The following NLGN1 variants were observed in gnomAD, a reference collection of about 807,000 sequenced individuals.
NLGN1 encodes the protein neuroligin 1.
A neutral mutation model predicts 65.5 loss-of-function variants in NLGN1; 12 were observed. The observed-to-expected ratio is 0.18, with a 90% confidence interval of 0.12 to 0.30. The LOEUF (loss-of-function observed/expected upper bound fraction) is 0.30. NLGN1 is among the 10% of genes least tolerant of loss of function. The pLI is 1.00. For missense variants in NLGN1, 750 were observed against 1,007.1 expected, an observed-to-expected ratio of 0.74 and a Z score of 3.46; for synonymous variants, 350 against 359.5, an observed-to-expected ratio of 0.97 and a Z score of 0.30.
intron 2 of NLGN1, among the ~76,000 whole-genome samples, chr3:173,446,798 A>G (rs926075320): frequency 6.6e-6 from 1 of 152,100 alleles, no homozygotes; most frequent in African/African-American, 2.4e-5. Flanking sequence ...TTTGATTTGC[A>G]TTTCTCTGAT....
intron 2 of NLGN1, among the ~76,000 whole-genome samples, chr3:173,537,879 T>C (rs1737719227): frequency 6.6e-6 from 1 of 152,144 alleles, no homozygotes; most frequent in Non-Finnish European, 1.5e-5. Flanking sequence ...CAGTTTTCCT[T>C]TGGTAGCCAG....
intron 4 of NLGN1, among the ~76,000 whole-genome samples, chr3:174,067,296 G>T (rs1738833473): frequency 6.6e-6 from 1 of 152,058 alleles, no homozygotes; most frequent in Admixed American, 6.6e-5. Context: ...AGTAAAACTA[G>T]AATATATTTG....
intron 4 of NLGN1, among the ~76,000 whole-genome samples, chr3:174,103,884 A>G (rs1013429299): frequency 5.3e-5 from 8 of 152,104 alleles, no homozygotes; most frequent in Admixed American, 6.5e-5. Context: ...TTTCTGTGTT[A>G]TAGCTAACAC....
chr3:173,702,199 A>C (rs887345746), intron 3 of NLGN1, among the ~76,000 whole-genome samples: 15 of 149,354 alleles, frequency 1.0e-4, no homozygotes, highest in Non-Finnish European at 3.0e-5. Flanking sequence ...AGATCCCGCC[A>C]CTGCACTCCA....
At chr3:173,635,949 G>T (rs16828799) in intron 3 of NLGN1, among the ~76,000 whole-genome samples, 17,838 of 151,964 alleles carry the variant, frequency 0.12, 1,281 homozygotes, top group South Asian at 0.22. Flanking sequence ...AGAACACTCG[G>T]CAGGCTCCTT....
chr3:173,747,237 A>G (rs957202134), intron 3 of NLGN1, among the ~76,000 whole-genome samples: 2 of 146,220 alleles, frequency 1.4e-5, no homozygotes, highest in African/African-American at 5.0e-5. Context: ...AAATATATAT[A>G]TCTTTAAGTA....
intron 4 of NLGN1, among the ~76,000 whole-genome samples, chr3:173,914,622 C>G (rs142157997): frequency 6.6e-6 from 1 of 151,948 alleles, no homozygotes; most frequent in Non-Finnish European, 1.5e-5. Flanking sequence ...GTAGAGAATT[C>G]GTAGAGTATG....
intron 2 of NLGN1, among the ~76,000 whole-genome samples, chr3:173,478,080 T>A (rs79535579): frequency 0.013 from 2,025 of 152,270 alleles, 49 homozygotes; most frequent in African/African-American, 0.047. Context: ...CATAAATCAT[T>A]CTGTTACAAA....
At chr3:173,977,333 G>T (rs910666043) in intron 4 of NLGN1, among the ~76,000 whole-genome samples, 3 of 151,882 alleles carry the variant, frequency 2.0e-5, no homozygotes, top group Non-Finnish European at 4.4e-5. Context: ...GAGTGGGGAT[G>T]GGGGAAGGGC....
chr3:173,399,808 T>C (rs1398666349), intron 1 of NLGN1: 3 of 152,242 alleles, frequency 2.0e-5, no homozygotes, highest in Non-Finnish European at 4.4e-5. Flanking sequence ...AATACAGTTA[T>C]AAATCTGAGA....
chr3:174,090,695 A>G (rs2152564091), intron 4 of NLGN1, among the ~76,000 whole-genome samples: 1 of 152,134 alleles, frequency 6.6e-6, no homozygotes, highest in Non-Finnish European at 1.5e-5. Flanking sequence ...GAGAAATGGC[A>G]ATATTTGTAC....
intron 2 of NLGN1, among the ~76,000 whole-genome samples, chr3:173,539,705 T>TATAAC (rs200955089): frequency 0.014 from 629 of 45,948 alleles, 5 homozygotes; most frequent in East Asian, 0.057. Context: ...TATGCACATA[T>TATAAC]ATACATATAT....
At chr3:173,539,064 G>A (rs1737967415) in intron 2 of NLGN1, among the ~76,000 whole-genome samples, 1 of 152,002 alleles carries the variant, frequency 6.6e-6, no homozygotes, top group African/African-American at 2.4e-5. Context: ...AACATCAGAT[G>A]AACTGTCTGA....
At chr3:173,701,818 A>G (rs893929177) in intron 3 of NLGN1, among the ~76,000 whole-genome samples, 1 of 152,228 alleles carries the variant, frequency 6.6e-6, no homozygotes, top group Non-Finnish European at 1.5e-5. Context: ...TTAAGGTAGT[A>G]CAGCTAGTTA....
chr3:174,006,640 A>C (rs1724461501), intron 4 of NLGN1, among the ~76,000 whole-genome samples: 1 of 152,180 alleles, frequency 6.6e-6, no homozygotes, highest in Non-Finnish European at 1.5e-5. Context: ...AATTGTGGAC[A>C]AAAATTCATA....
At chr3:173,544,491 T>C (rs1490387848) in intron 2 of NLGN1, among the ~76,000 whole-genome samples, 1 of 152,124 alleles carries the variant, frequency 6.6e-6, no homozygotes, top group Admixed American at 6.6e-5. Context: ...TAATTCTAGC[T>C]TGGGCAACTA....
intron 4 of NLGN1, among the ~76,000 whole-genome samples, chr3:174,018,769 C>T (rs1727135275): frequency 6.6e-6 from 1 of 152,094 alleles, no homozygotes; most frequent in Non-Finnish European, 1.5e-5. Context: ...ATATGCAAGC[C>T]AGAAAGTTCA....
In NLGN1 at chr3:174,279,114, ATT is replaced by A; in HGVS notation, c.1114_1115del (p.Leu372AspfsTer10). The A allele has an allele frequency of 6.2e-7, 1 of 1,613,426 alleles. No homozygotes were observed. Among genetic ancestry groups the A allele is most frequent in the Non-Finnish European group, 8.5e-7 (1 of 1,179,548 alleles). On this transcript the variant is annotated frameshift_variant, in exon 6 of 7. Coordinates refer to ENST00000457714, the Ensembl canonical transcript of NLGN1. LOFTEE classifies it high-confidence loss of function. The surrounding 1 kb of genome is among the most constrained non-coding windows in gnomAD (Gnocchi z 4.7). Reference sequence around the variant, plus strand: ...ATGTAATACCAGACGACCCCCAGATATTGATGGAGCAAGGAGAGTTTCTCAAC... The same window carrying A: ...ATGTAATACCAGACGACCCCCAGATAGATGGAGCAAGGAGAGTTTCTCAAC...
At chr3:173,574,025 T>C (rs910982046) in intron 2 of NLGN1, among the ~76,000 whole-genome samples, 1 of 128,770 alleles carries the variant, frequency 7.8e-6, no homozygotes, top group Non-Finnish European at 1.5e-5. Flanking sequence ...ATGGCATCAC[T>C]GCACTCCAGC....
Sources: allele counts gnomAD v4.1 joint callset (sites outside exome capture counted in the v4.1 genomes callset), GRCh38; gene constraint gnomAD v4.1.1; non-coding constraint Gnocchi (gnomAD v3.1); transcripts MANE v1.5; gene names NCBI Gene and HGNC (gene_info 2026-07-23, HGNC 2026-07-21).